Variants in GRIK3 observed in about 807,000 individuals in gnomAD.
GRIK3 encodes the protein glutamate receptor ionotropic, kainate 3.
A neutral mutation model predicts 102.5 loss-of-function variants in GRIK3; 29 were observed. That is an observed-to-expected ratio of 0.28 (90% CI 0.21 to 0.39). The LOEUF (loss-of-function observed/expected upper bound fraction) is 0.39. Among genes scored for constraint, GRIK3 ranks in the 10% least tolerant of loss-of-function variants. GRIK3 has a pLI of 1.00. For missense variants in GRIK3, 908 were observed against 1,252.4 expected, an observed-to-expected ratio of 0.73 and a Z score of 4.15; for synonymous variants, 511 against 504.9, an observed-to-expected ratio of 1.01 and a Z score of -0.16.
At chr1:37,010,466 G>A (rs534831209) in intron 1 of GRIK3, among the ~76,000 whole-genome samples, 20 of 152,262 alleles carry the variant, frequency 1.3e-4, no homozygotes, top group South Asian at 4.1e-4. Context: ...TGGTGGAGCC[G>A]GGATTCAAAT....
At chr1:37,002,723 G>C (rs1458734814) in intron 1 of GRIK3, among the ~76,000 whole-genome samples, 1 of 147,682 alleles carries the variant, frequency 6.8e-6, no homozygotes, top group African/African-American at 2.5e-5. Flanking sequence ...CTGTCACCCA[G>C]GCTGGAGTGC....
chr1:36,919,338 A>ATTTTATTTT (rs143170999), intron 1 of GRIK3, among the ~76,000 whole-genome samples: 25 of 143,672 alleles, frequency 1.7e-4, no homozygotes, highest in Admixed American at 1.5e-3. Flanking sequence ...GCTTTTTTAA[A>ATTTTATTTT]ATTTTATTTT....
At position 36,817,551 on chromosome 1, in the gene GRIK3, G is replaced by A. The variant is rs74441042; in HGVS notation, c.1874-274C>T. 5.5e-3 allele frequency among the ~76,000 whole-genome samples: 840 copies of A among 152,332 alleles called. 6 individuals are homozygous for A. Among genetic ancestry groups the A allele is most frequent in the African/African-American group, 0.019 (805 of 41,568 alleles). On this transcript the variant is annotated intron_variant, in intron 12 of 15. Coordinates refer to ENST00000373091, the MANE Select transcript of GRIK3 (RefSeq NM_000831.4). ...TATGTTTTGAGTAAGCTCTCCAGAT[G>A]ATTCTGACGCAGGCTAAAATTTAAG... is the stretch of plus-strand genomic sequence containing the variant.
rs148435336 is a variant in GRIK3 at position 36,924,723 on chromosome 1, C to A, written c.116-33627G>T. Among the ~76,000 whole-genome samples, 948 of 152,320 alleles carry A rather than the reference C, an allele frequency of 6.2e-3. 14 individuals are homozygous for A. The highest frequency in any genetic ancestry group is 0.022 in the African/African-American group (900 of 41,566). On this transcript the variant is annotated intron_variant, in intron 1 of 15. Transcript: ENST00000373091. ...TGCTCAAGCTGTCAGAAACACTGCA[C>A]GGCAGTGCTGGCAGCTCTGCCAACT...
intron 11 of GRIK3, among the ~76,000 whole-genome samples, chr1:36,823,961 G>T (rs995417198): frequency 6.6e-6 from 1 of 152,144 alleles, no homozygotes; most frequent in Non-Finnish European, 1.5e-5. Flanking sequence ...CCCACCTCAA[G>T]AGAGGTGTGA....
At chr1:36,827,110 T>C (rs1049202023) in intron 10 of GRIK3, among the ~76,000 whole-genome samples, 4 of 152,204 alleles carry the variant, frequency 2.6e-5, no homozygotes, top group Non-Finnish European at 5.9e-5. Context: ...ATCTCTAAAC[T>C]TCCATGAAGC....
At chr1:36,993,227 G>A (rs528721883) in intron 1 of GRIK3, among the ~76,000 whole-genome samples, 1 of 152,080 alleles carries the variant, frequency 6.6e-6, no homozygotes, top group Non-Finnish European at 1.5e-5. Context: ...CAGGAGGCTG[G>A]GCCTGAGAGT....
intron 1 of GRIK3, among the ~76,000 whole-genome samples, chr1:36,968,451 G>T (rs890672207): frequency 3.9e-5 from 6 of 152,292 alleles, no homozygotes; most frequent in African/African-American, 1.4e-4. Flanking sequence ...GGTTGACTGA[G>T]TATCCTACCC....
intron 12 of GRIK3, 48 bp from the exon 13 acceptor site, chr1:36,817,325 C>A: frequency 7.7e-7 from 1 of 1,295,420 alleles, no homozygotes. Flanking sequence ...TCCAGACTAG[C>A]GCTGCTCAAG....
At chr1:36,911,708 G>C (rs1641347373) in intron 1 of GRIK3, among the ~76,000 whole-genome samples, 1 of 152,108 alleles carries the variant, frequency 6.6e-6, no homozygotes, top group Non-Finnish European at 1.5e-5. Context: ...AGGATGGCTG[G>C]AGGCTCTTGT....
intron 1 of GRIK3, among the ~76,000 whole-genome samples, chr1:36,951,687 A>T (rs1641845985): frequency 6.6e-6 from 1 of 152,208 alleles, no homozygotes; most frequent in South Asian, 2.1e-4. Context: ...TGGGCAGGGC[A>T]GCAGGAAAAT....
intron 1 of GRIK3, among the ~76,000 whole-genome samples, chr1:36,978,101 TA>T (rs1642213507): frequency 6.6e-6 from 1 of 152,256 alleles, no homozygotes; most frequent in Non-Finnish European, 1.5e-5. Context: ...CCAGAAAAAT[TA>T]AGTATGTTCA....
chr1:36,974,888 A>C (rs1570838370), intron 1 of GRIK3, among the ~76,000 whole-genome samples: 1 of 152,170 alleles, frequency 6.6e-6, no homozygotes, highest in East Asian at 1.9e-4. Flanking sequence ...TGAAATAGGC[A>C]AAACACGAAA....
At chr1:36,915,272 G>A (rs1486623654) in intron 1 of GRIK3, among the ~76,000 whole-genome samples, 2 of 152,128 alleles carry the variant, frequency 1.3e-5, no homozygotes, top group Non-Finnish European at 2.9e-5. Flanking sequence ...GCTGTCTAGT[G>A]TACAGTCCAC....
At chr1:37,022,471 T>C (rs1158306572) in intron 1 of GRIK3, among the ~76,000 whole-genome samples, 1 of 152,164 alleles carries the variant, frequency 6.6e-6, no homozygotes, top group Non-Finnish European at 1.5e-5. Context: ...TTCATCATGA[T>C]AGGAACAAGA....
intron 3 of GRIK3, among the ~76,000 whole-genome samples, chr1:36,875,728 G>C (rs1007591609): frequency 1.3e-5 from 2 of 152,184 alleles, no homozygotes; most frequent in Non-Finnish European, 2.9e-5. Context: ...CCAGAAAAAC[G>C]ACCTAGCCAA....
chr1:36,933,740 G>A (rs1294629298), intron 1 of GRIK3, among the ~76,000 whole-genome samples: 1 of 152,162 alleles, frequency 6.6e-6, no homozygotes, highest in African/African-American at 2.4e-5. Flanking sequence ...AGGTATGATA[G>A]AAGGCACACA....
intron 2 of GRIK3, among the ~76,000 whole-genome samples, chr1:36,886,085 G>A (rs1641033849): frequency 6.6e-6 from 1 of 152,200 alleles, no homozygotes; most frequent in Admixed American, 6.5e-5. Flanking sequence ...GACACTCTCT[G>A]CGCTGCTGCT....
At chr1:36,814,125 G>A (rs944419903) in intron 13 of GRIK3, among the ~76,000 whole-genome samples, 3 of 152,192 alleles carry the variant, frequency 2.0e-5, no homozygotes, top group African/African-American at 7.2e-5. Flanking sequence ...TGAGGGCAGA[G>A]GAGGCTGTGG....
Sources: allele counts gnomAD v4.1 joint callset (sites outside exome capture counted in the v4.1 genomes callset), GRCh38; gene constraint gnomAD v4.1.1; transcripts MANE v1.5; gene names NCBI Gene and HGNC (gene_info 2026-07-23, HGNC 2026-07-21).